Variants in SPDL1 observed in about 807,000 individuals in gnomAD.
The protein encoded by SPDL1 is protein Spindly.
SPDL1 carries 85 observed loss-of-function variants against 79.5 expected under a neutral mutation model. The ratio of observed to expected loss-of-function variants is 1.07; its 90% CI spans 0.90 to 1.28. The LOEUF (loss-of-function observed/expected upper bound fraction) is 1.28. Ranked by LOEUF, SPDL1 falls within the 50% of genes most tolerant of loss-of-function variation. The pLI is 0.00. For missense variants in SPDL1, 703 were observed against 697.8 expected (o/e 1.01, Z -0.08); for synonymous variants, 269 against 240.3 (o/e 1.12, Z -1.10).
intron 1 of SPDL1, chr5:169,584,109 C>A (rs154034): frequency 6.6e-6 from 1 of 152,072 alleles, no homozygotes; most frequent in African/African-American, 2.4e-5. Flanking sequence ...AAATATGGAA[C>A]GTTGGGTCGG....
chr5:169,595,435 G>A (rs1755539263), intron 7 of SPDL1: 1 of 152,342 alleles, frequency 6.6e-6, no homozygotes, highest in Non-Finnish European at 1.5e-5. Flanking sequence ...CTAGCTCTGT[G>A]ACCTTGGACA....
At chr5:169,596,150 G>C (rs1755568567) in intron 7 of SPDL1, 1 of 157,608 alleles carries the variant, frequency 6.3e-6, no homozygotes, top group Non-Finnish European at 1.4e-5. Context: ...ATTTGTGGCT[G>C]TCAGTAGCTT....
At chr5:169,584,007 T>G (rs1754842430) in intron 1 of SPDL1, 118 bp downstream of exon 1, 1 of 152,196 alleles carries the variant, frequency 6.6e-6, no homozygotes, top group Admixed American at 6.5e-5. Flanking sequence ...CTGAAACATC[T>G]CCTTCCCCGG....
At chr5:169,594,769 T>C in intron 7 of SPDL1, 88 bp downstream of exon 7, 1 of 787,408 alleles carries the variant, frequency 1.3e-6, no homozygotes. Context: ...TAGCTTTTTC[T>C]GCAAGGAGTG....
At position 169,601,580 on chromosome 5, in the gene SPDL1, C is replaced by G; in HGVS notation, c.1625C>G (p.Ala542Gly). 1 of 1,614,204 alleles carries G rather than the reference C, an allele frequency of 6.2e-7. No individual in the cohort carries two copies. Among genetic ancestry groups the G allele is most frequent in the South Asian group, 1.1e-5 (1 of 91,088 alleles). ...CVKLIGVPADAEALSERSGNT... is the reference protein window; with the variant it reads ...CVKLIGVPADGEALSERSGNT... ...AAACTCATAGGAGTTCCCGCTGACGCTGAGGCCTTAAGTGAAAGAAGTGGA... is the reference window on the plus strand; with the variant it reads ...AAACTCATAGGAGTTCCCGCTGACGGTGAGGCCTTAAGTGAAAGAAGTGGA... The change falls in exon 11 of 12, where the codon GCT (alanine) becomes GGT (glycine). Residue 542 changes from alanine (A) to glycine (G), a missense_variant. Transcript: ENST00000265295.
chr5:169,598,423 A>G, intron 8 of SPDL1, 53 bp from the exon 9 acceptor site: 2 of 1,160,562 alleles, frequency 1.7e-6, no homozygotes, highest in Middle Eastern at 1.9e-4. Flanking sequence ...ATAAACATAC[A>G]CTAACCTTAT....
At chr5:169,586,526 A>C (rs375397209) in intron 1 of SPDL1, 1 of 152,208 alleles carries the variant, frequency 6.6e-6, no homozygotes, top group Non-Finnish European at 1.5e-5. Context: ...CATATATCCA[A>C]TTGCCTACTT....
chr5:169,592,214 C>CTTTTTTTT (rs397884840), intron 3 of SPDL1, among the ~76,000 whole-genome samples: 1 of 97,050 alleles, frequency 1.0e-5, no homozygotes, highest in Non-Finnish European at 1.9e-5. Flanking sequence ...TTTTTTTTTC[C>CTTTTTTTT]TTTTTTTTTT....
At chr5:169,586,330 A>G (rs1405237890) in intron 1 of SPDL1, 1 of 152,326 alleles carries the variant, frequency 6.6e-6, no homozygotes, top group Non-Finnish European at 1.5e-5. Context: ...TACACTGTTT[A>G]TTGCCTTCCA....
intron 1 of SPDL1, among the ~76,000 whole-genome samples, chr5:169,585,758 C>T (rs766731346): frequency 2.6e-4 from 39 of 152,208 alleles, no homozygotes; most frequent in Admixed American, 6.5e-5. Context: ...TATCTCTTCC[C>T]TTGTCTTCAT....
At position 169,594,691 on chromosome 5, in the gene SPDL1, T is replaced by C; in HGVS notation, c.891+10T>C. On this transcript the variant is annotated intron_variant, in intron 7 of 11. Transcript: ENST00000265295. ...GATGCAGAGAATGAAGGTATAGAAC[T>C]TTCACTATCAAAGGTTTATTAAACA... The C allele has an allele frequency of 7.6e-6, 12 of 1,570,814 alleles. No individual in the cohort carries two copies. Among genetic ancestry groups the C allele is most frequent in the Non-Finnish European group, 1.0e-5 (12 of 1,142,920 alleles).
chr5:169,600,800 A>G (rs912363945), intron 10 of SPDL1, among the ~76,000 whole-genome samples: 3 of 152,226 alleles, frequency 2.0e-5, no homozygotes, highest in Non-Finnish European at 4.4e-5. Context: ...AGTTTGGCCT[A>G]TTCTTGTCAT....
chr5:169,601,417 C>T lies in SPDL1; in HGVS notation c.1462C>T (p.Gln488Ter), dbSNP rs116247232. The T allele has an allele frequency of 7.4e-6, 12 of 1,614,142 alleles. No individual in the cohort carries two copies. The highest frequency in any genetic ancestry group is 1.3e-5 in the African/African-American group (1 of 75,042). Residue 488 changes from glutamine (Q) to a stop codon, truncating the protein, a stop_gained, in exon 11 of 12, where the codon CAG (glutamine) becomes TAG (stop). Transcript: ENST00000265295. LOFTEE classifies it high-confidence loss of function. Reference sequence around the variant, plus strand: ...ATTACCGCCTCAGAAAGAGGAGACACAGTCCTGCCCTAACAGTTTAGAAGA... The same window carrying T: ...ATTACCGCCTCAGAAAGAGGAGACATAGTCCTGCCCTAACAGTTTAGAAGA... Reference protein sequence around the residue: ...YRLPPQKEETQSCPNSLEDNN... With the variant: ...YRLPPQKEET
Position 169,604,087 on chromosome 5 carries a change from A to G in SPDL1, c.1698A>G (p.Thr566=). The G allele has an allele frequency of 1.2e-6, 2 of 1,612,476 alleles. No individual in the cohort carries two copies. Among genetic ancestry groups the G allele is most frequent in the East Asian group, 2.2e-5 (1 of 44,840 alleles). The change falls in exon 12 of 12, where the codon ACA becomes ACG. Residue 566 remains threonine, a synonymous_variant. Coordinates refer to ENST00000265295, the MANE Select transcript of SPDL1 (RefSeq NM_017785.5). The stretch of plus-strand genomic sequence containing the variant: ...TAGCTGCTGAATCAAAGCTTCAAAC[A>G]GAAGTTAAAGAAGGAAAAGAAACTT... ...PRLAAESKLQ[T]EVKEGKETSS... is the part of the protein sequence containing the mutation.
chr5:169,601,161 G>A (rs569716161), intron 10 of SPDL1, 119 bp from the exon 11 acceptor site: 50 of 776,934 alleles, frequency 6.4e-5, no homozygotes, highest in Non-Finnish European at 1.0e-4. Flanking sequence ...TCAGTGAGGA[G>A]ATGGTTGCAT....
At chr5:169,600,858 C>T (rs772539842) in intron 10 of SPDL1, among the ~76,000 whole-genome samples, 54 of 152,116 alleles carry the variant, frequency 3.5e-4, no homozygotes, top group Middle Eastern at 3.4e-3. Context: ...GCTTTTAATC[C>T]CCATTTTACA....
rs1379656939 is a variant in SPDL1, at chr5:169,598,527, G to A, written c.1084G>A (p.Glu362Lys). 6.2e-7 allele frequency: 1 copy of A among 1,613,342 alleles called. No individual in the cohort carries two copies. Among genetic ancestry groups the A allele is most frequent in the Admixed American group, 1.7e-5 (1 of 59,998 alleles). Residue 362 changes from glutamate to lysine, a missense_variant, in exon 9 of 12, where the codon GAA becomes AAA. Physicochemically the swap from Glu to Lys is moderately conservative, Grantham distance 56. Transcript: ENST00000265295. ...SKPSVDSGTL[E>K]DNTYYTDLLQ... is the part of the protein sequence containing the mutation. ...GCCTTCAGTCGACTCTGGTACTCTG[G>A]AAGATAACACCTATTATACAGATTT...
intron 6 of SPDL1, 21 bp downstream of exon 6, chr5:169,594,513 T>G: frequency 6.2e-7 from 1 of 1,611,952 alleles, no homozygotes. Flanking sequence ...GTATCCTAAC[T>G]ACTAAATTGG....
At chr5:169,603,010 C>T (rs1756012943) in intron 11 of SPDL1, among the ~76,000 whole-genome samples, 1 of 152,002 alleles carries the variant, frequency 6.6e-6, no homozygotes, top group Non-Finnish European at 1.5e-5. Flanking sequence ...GATAAAAAAT[C>T]ACTTAAGCAA....
Sources: allele counts gnomAD v4.1 joint callset (sites outside exome capture counted in the v4.1 genomes callset), GRCh38; gene constraint gnomAD v4.1.1; transcripts MANE v1.5; gene names NCBI Gene and HGNC (gene_info 2026-07-23, HGNC 2026-07-21).